The following PRR16 variants were observed in gnomAD, a reference collection of about 807,000 sequenced individuals.
PRR16 encodes protein Largen.
PRR16 carries 6 observed loss-of-function variants against 18.2 expected under a neutral mutation model. That is an observed-to-expected ratio of 0.33 (90% CI 0.18 to 0.65). The LOEUF (loss-of-function observed/expected upper bound fraction) is 0.65. Ranked by LOEUF, PRR16 falls within the 30% of genes least tolerant of loss-of-function variation. The pLI is 0.74. For missense variants in PRR16, 412 were observed against 376.6 expected, an observed-to-expected ratio of 1.09 and a Z score of -0.78; for synonymous variants, 151 against 147.8, an observed-to-expected ratio of 1.02 and a Z score of -0.16.
chr5:120,702,431 C>T, the PRR16 span, among the ~76,000 whole-genome samples: 1 of 151,654 alleles, frequency 6.6e-6, no homozygotes, highest in Admixed American at 6.6e-5. Context: ...GGGTACTTGC[C>T]CTTCCCCTAG....
the PRR16 span, among the ~76,000 whole-genome samples, chr5:120,737,592 A>T: frequency 2.7e-5 from 4 of 150,618 alleles, no homozygotes; most frequent in East Asian, 7.7e-4. Flanking sequence ...AATAATGCTG[A>T]TCTCATAGAA....
At chr5:120,646,213 A>G (rs1755597417) in intron 1 of PRR16, among the ~76,000 whole-genome samples, 1 of 151,648 alleles carries the variant, frequency 6.6e-6, no homozygotes, top group South Asian at 2.1e-4. Flanking sequence ...AAAAATTTTC[A>G]GTCACCTTAT....
At chr5:120,732,683 C>T in the PRR16 span, among the ~76,000 whole-genome samples, 1 of 152,004 alleles carries the variant, frequency 6.6e-6, no homozygotes, top group Non-Finnish European at 1.5e-5. Flanking sequence ...TAAAGATGGC[C>T]CACTAGGTCA....
At chr5:120,501,232 A>G (rs1750441590) in intron 1 of PRR16, among the ~76,000 whole-genome samples, 1 of 152,228 alleles carries the variant, frequency 6.6e-6, no homozygotes, top group Non-Finnish European at 1.5e-5. Context: ...TAGGTGTCAC[A>G]TTTAATTTAA....
At chr5:120,793,906 T>C in the PRR16 span, among the ~76,000 whole-genome samples, 1 of 152,114 alleles carries the variant, frequency 6.6e-6, no homozygotes, top group Non-Finnish European at 1.5e-5. Context: ...GGTAACACAA[T>C]GATAATTGTG....
intron 1 of PRR16, among the ~76,000 whole-genome samples, chr5:120,668,744 G>A (rs557756911): frequency 4.1e-4 from 63 of 152,052 alleles, no homozygotes; most frequent in Non-Finnish European, 7.4e-4. Context: ...GAAATTCTAG[G>A]TTGAAAATTC....
At chr5:120,736,310 G>C in the PRR16 span, among the ~76,000 whole-genome samples, 1 of 152,104 alleles carries the variant, frequency 6.6e-6, no homozygotes, top group Admixed American at 6.5e-5. Context: ...TGTCACCCAG[G>C]TTGGAGTGCA....
chr5:120,785,859 G>A, the PRR16 span, among the ~76,000 whole-genome samples: 11 of 151,380 alleles, frequency 7.3e-5, no homozygotes, highest in African/African-American at 2.4e-4. Flanking sequence ...GTGAGCTACC[G>A]CGCCTGGCCT....
chr5:120,483,620 T>C (rs369593890), intron 1 of PRR16, among the ~76,000 whole-genome samples: 25 of 152,174 alleles, frequency 1.6e-4, no homozygotes, highest in African/African-American at 6.0e-4. Context: ...TCATGTTGAT[T>C]GAATAAATGT....
chr5:120,481,346 G>A (rs56338822), intron 1 of PRR16: 5,885 of 381,158 alleles, frequency 0.015, 164 homozygotes, highest in African/African-American at 0.074. Context: ...GCCCAGTCTG[G>A]TCTTGAACTC....
At chr5:120,500,689 CTT>C (rs1750420347) in intron 1 of PRR16, among the ~76,000 whole-genome samples, 1 of 152,204 alleles carries the variant, frequency 6.6e-6, no homozygotes, top group East Asian at 1.9e-4. Context: ...ACATGGAAAA[CTT>C]ATTCTTTTTT....
intron 1 of PRR16, among the ~76,000 whole-genome samples, chr5:120,493,601 G>T (rs1750140162): frequency 6.6e-6 from 1 of 152,102 alleles, no homozygotes; most frequent in African/African-American, 2.4e-5. Flanking sequence ...TCAGAATATT[G>T]ACATTGATAT....
At chr5:120,645,881 C>T (rs531734244) in intron 1 of PRR16, among the ~76,000 whole-genome samples, 44 of 151,892 alleles carry the variant, frequency 2.9e-4, no homozygotes, top group South Asian at 6.2e-4. Flanking sequence ...GGATATCTTT[C>T]GTAAAACAGA....
chr5:120,737,375 T>A, the PRR16 span, among the ~76,000 whole-genome samples: 1 of 145,992 alleles, frequency 6.8e-6, no homozygotes, highest in South Asian at 2.3e-4. Context: ...TTTTTTTTGC[T>A]TCAATTGAGA....
the PRR16 span, among the ~76,000 whole-genome samples, chr5:120,715,814 A>G: frequency 6.6e-6 from 1 of 152,194 alleles, no homozygotes; most frequent in African/African-American, 2.4e-5. Context: ...GATGAAGAGT[A>G]AGTAGAAATA....
rs183805654 is a variant in PRR16, at chr5:120,643,075, G to A, written c.160-42879G>A. ...ATTCCTTTCAAAGATAAATATACTC[G>A]CAAAATATTTGACATAGTGATATGG... On this transcript the variant is annotated intron_variant, in intron 1 of 1. Coordinates refer to ENST00000407149, the MANE Select transcript of PRR16 (RefSeq NM_001300783.2). Among the ~76,000 whole-genome samples the A allele has an allele frequency of 4.7e-3, 714 of 151,800 alleles. 6 individuals carry two copies. The highest frequency in any genetic ancestry group is 0.015 in the African/African-American group (641 of 41,394).
chr5:120,781,061 GTATC>G, the PRR16 span, among the ~76,000 whole-genome samples: 14 of 152,040 alleles, frequency 9.2e-5, no homozygotes, highest in African/African-American at 2.2e-4. Context: ...AAATATCTAT[GTATC>G]TATCTAATTT....
chr5:120,486,730 G>T (rs1321419816), intron 1 of PRR16, among the ~76,000 whole-genome samples: 1 of 152,142 alleles, frequency 6.6e-6, no homozygotes, highest in African/African-American at 2.4e-5. Context: ...CCATGTCTCT[G>T]TCCTGAATGG....
At chr5:120,532,277 T>C (rs139654636) in intron 1 of PRR16, among the ~76,000 whole-genome samples, 4 of 152,268 alleles carry the variant, frequency 2.6e-5, no homozygotes, top group Admixed American at 2.6e-4. Flanking sequence ...TTATTACTTA[T>C]ATATAGTTTC....
Sources: allele counts gnomAD v4.1 joint callset (sites outside exome capture counted in the v4.1 genomes callset), GRCh38; gene constraint gnomAD v4.1.1; transcripts MANE v1.5; gene names NCBI Gene and HGNC (gene_info 2026-07-23, HGNC 2026-07-21).